The following ZNF804B variants were observed in gnomAD, a reference collection of about 807,000 sequenced individuals.
ZNF804B encodes the protein zinc finger protein 804B.
A neutral mutation model predicts 101.4 loss-of-function variants in ZNF804B; 80 were observed. The ratio of observed to expected loss-of-function variants is 0.79; its 90% confidence interval spans 0.66 to 0.95. The LOEUF (loss-of-function observed/expected upper bound fraction) is 0.95, where lower values mean the gene tolerates loss of function less well. ZNF804B is among the 40% of genes least tolerant of loss of function. The pLI, the probability that ZNF804B is intolerant of heterozygous loss-of-function variation, is 0.00. For synonymous variants in ZNF804B, 622 were observed against 558.8 expected (o/e 1.11, Z -1.59); for missense variants, 1,673 against 1,561.9 (o/e 1.07, Z -1.20).
At chr7:88,918,391 A>T (rs1281276372) in intron 1 of ZNF804B, among the ~76,000 whole-genome samples, 1 of 152,118 alleles carries the variant, frequency 6.6e-6, no homozygotes, top group Non-Finnish European at 1.5e-5. Context: ...AAAATTCAGG[A>T]GCATTGCCGG....
At chr7:88,902,227 TCAATTTTAAGATA>T (rs1413055681) in intron 1 of ZNF804B, among the ~76,000 whole-genome samples, 1 of 151,948 alleles carries the variant, frequency 6.6e-6, no homozygotes, top group Non-Finnish European at 1.5e-5. Context: ...ACTATTAGAA[TCAATTTTAAGATA>T]CAATCCTAAG....
chr7:89,189,712 A>T (rs1271288440), intron 1 of ZNF804B, among the ~76,000 whole-genome samples: 2 of 152,128 alleles, frequency 1.3e-5, no homozygotes, highest in Non-Finnish European at 2.9e-5. Flanking sequence ...GGGGAAGCAG[A>T]TTGTGACTGC....
At chr7:89,039,813 G>T (rs1788988485) in intron 1 of ZNF804B, among the ~76,000 whole-genome samples, 1 of 151,826 alleles carries the variant, frequency 6.6e-6, no homozygotes, top group African/African-American at 2.4e-5. Flanking sequence ...ATACTCTCCT[G>T]GAGTGCATGG....
intron 1 of ZNF804B, among the ~76,000 whole-genome samples, chr7:89,093,113 T>A (rs1789920890): frequency 6.6e-6 from 1 of 152,170 alleles, no homozygotes; most frequent in African/African-American, 2.4e-5. Flanking sequence ...TCCAGCTATC[T>A]CCCTTAACTT....
At chr7:88,790,090 A>G (rs1298064807) in intron 1 of ZNF804B, among the ~76,000 whole-genome samples, 1 of 152,068 alleles carries the variant, frequency 6.6e-6, no homozygotes, top group Admixed American at 6.6e-5. Flanking sequence ...AAAGAATTAG[A>G]ATGGTGCTGG....
At chr7:89,234,126 T>A (rs558975537) in intron 2 of ZNF804B, among the ~76,000 whole-genome samples, 70 of 152,350 alleles carry the variant, frequency 4.6e-4, no homozygotes, top group Non-Finnish European at 1.5e-5. Flanking sequence ...TTTTTTGACT[T>A]ATAATCCAAG....
rs1270604917 is a variant in ZNF804B at position 88,975,152 on chromosome 7, C to T, written c.108+215068C>T. Among the ~76,000 whole-genome samples, 6 of 151,332 alleles carry T rather than the reference C, an allele frequency of 4.0e-5. No homozygotes were observed. The Admixed American group carries it at 4.0e-4, about 10-fold the overall frequency. On this transcript the variant is annotated intron_variant, in intron 1 of 3. Coordinates refer to ENST00000333190, the MANE Select transcript of ZNF804B (RefSeq NM_181646.5). ...AATAGTACTCCATTGGGCATATGTA[C>T]CACATTTTTCTTATCCATTCAGTCT...
intron 1 of ZNF804B, among the ~76,000 whole-genome samples, chr7:88,877,032 T>TATATATATATATATA (rs1194229220): frequency 2.2e-5 from 1 of 44,940 alleles, no homozygotes; most frequent in African/African-American, 1.1e-4. Context: ...ATATAATATA[T>TATATATATATATATA]ATATATATAT....
chr7:88,837,686 A>G (rs1791234936), intron 1 of ZNF804B, among the ~76,000 whole-genome samples: 1 of 151,932 alleles, frequency 6.6e-6, no homozygotes, highest in Non-Finnish European at 1.5e-5. Context: ...GAGAACGTTC[A>G]CAGTTATCTG....
At chr7:89,070,902 G>C (rs939151505) in intron 1 of ZNF804B, among the ~76,000 whole-genome samples, 1 of 151,992 alleles carries the variant, frequency 6.6e-6, no homozygotes, top group Non-Finnish European at 1.5e-5. Flanking sequence ...TAGTTATCAA[G>C]ATTTCAAAAT....
chr7:88,873,044 C>T (rs1201083988), intron 1 of ZNF804B, among the ~76,000 whole-genome samples: 2 of 152,040 alleles, frequency 1.3e-5, no homozygotes, highest in East Asian at 3.9e-4. Flanking sequence ...GGAATCGCCA[C>T]ACTGACTTCC....
chr7:89,337,256 C>T lies in ZNF804B; in HGVS notation c.*224C>T, dbSNP rs959281168. On this transcript the variant is annotated 3_prime_UTR_variant, in exon 4 of 4. Transcript: ENST00000333190. ...GCAAATTTGAATAATTTTATGAAAG[C>T]GTAGAGGGAAGAGGGAAAGAGTTAA... is the stretch of plus-strand genomic sequence containing the variant. Among the ~76,000 whole-genome samples, 3 of 151,846 alleles carry T rather than the reference C, an allele frequency of 2.0e-5. No individual in the cohort carries two copies. Among genetic ancestry groups the T allele is most frequent in the African/African-American group, 4.8e-5 (2 of 41,328 alleles).
At chr7:89,119,206 G>T (rs763336708) in intron 1 of ZNF804B, among the ~76,000 whole-genome samples, 2 of 152,140 alleles carry the variant, frequency 1.3e-5, no homozygotes, top group African/African-American at 4.8e-5. Flanking sequence ...TGCCCTTGCT[G>T]CATGTCAGGC....
chr7:89,211,495 T>G (rs117607056), intron 1 of ZNF804B, among the ~76,000 whole-genome samples: 1,671 of 152,304 alleles, frequency 0.011, 44 homozygotes, highest in East Asian at 0.094. Context: ...TTTGTTGTTT[T>G]GGGTTTTATA....
chr7:88,868,435 C>T (rs371504668), intron 1 of ZNF804B, among the ~76,000 whole-genome samples: 5 of 152,138 alleles, frequency 3.3e-5, no homozygotes, highest in Non-Finnish European at 4.4e-5. Flanking sequence ...ACTGTTATTC[C>T]TTAGTTCTCC....
intron 1 of ZNF804B, among the ~76,000 whole-genome samples, chr7:89,103,956 T>C (rs1175394648): frequency 6.6e-6 from 1 of 151,970 alleles, no homozygotes; most frequent in South Asian, 2.1e-4. Context: ...TTAATCTTAT[T>C]AAATGCTTTT....
At chr7:88,906,558 C>T (rs896266845) in intron 1 of ZNF804B, among the ~76,000 whole-genome samples, 4 of 151,972 alleles carry the variant, frequency 2.6e-5, no homozygotes, top group African/African-American at 9.7e-5. Context: ...GGGAGATCTT[C>T]TTGATTTTGC....
chr7:89,117,861 A>G (rs1790334419), intron 1 of ZNF804B, among the ~76,000 whole-genome samples: 1 of 152,134 alleles, frequency 6.6e-6, no homozygotes, highest in Non-Finnish European at 1.5e-5. Context: ...AAGTTTTTAC[A>G]TTTTGAGTTT....
chr7:89,062,270 C>T (rs1253340054), intron 1 of ZNF804B, among the ~76,000 whole-genome samples: 1 of 152,110 alleles, frequency 6.6e-6, no homozygotes, highest in African/African-American at 2.4e-5. Flanking sequence ...ATACAAGGCA[C>T]TCATAGTCAC....
Sources: gnomAD v4.1 joint callset for allele counts (sites outside exome capture counted in the v4.1 genomes callset) on GRCh38, gnomAD v4.1.1 for gene constraint, MANE v1.5 for transcripts, NCBI Gene and HGNC (gene_info 2026-07-23, HGNC 2026-07-21) for gene names.